SYN3: variants seen among roughly 807,000 people sequenced by gnomAD.
The protein encoded by SYN3 is synapsin III, also known as synapsin-3.
SYN3 carries 35 observed loss-of-function variants against 65.8 expected under a neutral mutation model. That is an observed-to-expected ratio of 0.53 (90% CI 0.41 to 0.70). The LOEUF is 0.70. Among genes scored for constraint, SYN3 ranks in the 30% least tolerant of loss-of-function variants. The probability of loss-of-function intolerance (pLI) is 0.00; values close to 1 mark genes in which losing one functional copy is unlikely to be tolerated. For synonymous variants in SYN3, 270 were observed against 292.9 expected (o/e 0.92, Z 0.80); for missense variants, 680 against 749.0 (o/e 0.91, Z 1.08).
intron 7 of SYN3, among the ~76,000 whole-genome samples, chr22:32,542,145 C>A (rs562992854): frequency 1.1e-4 from 16 of 152,226 alleles, no homozygotes; most frequent in African/African-American, 3.6e-4. Context: ...GATTTTTAGC[C>A]TGAATTTTCT....
chr22:33,019,067 C>CT (rs1208607321), intron 1 of SYN3, among the ~76,000 whole-genome samples: 1 of 152,172 alleles, frequency 6.6e-6, no homozygotes, highest in African/African-American at 2.4e-5. Context: ...ATTCAGTCAA[C>CT]TTTCCACAGA....
intron 3 of SYN3, among the ~76,000 whole-genome samples, chr22:32,961,964 G>A (rs746013954): frequency 6.6e-6 from 1 of 152,052 alleles, no homozygotes; most frequent in African/African-American, 2.4e-5. Flanking sequence ...GCAAAGCCAC[G>A]ATTCAAGCCC....
chr22:32,723,853 G>C (rs768169150), intron 6 of SYN3, among the ~76,000 whole-genome samples: 1 of 152,366 alleles, frequency 6.6e-6, no homozygotes, highest in Non-Finnish European at 1.5e-5. Context: ...AGGGATAGGG[G>C]AGCTGTAGGC....
chr22:32,900,178 T>C lies in SYN3; in HGVS notation c.462-31053A>G, dbSNP rs2049718572. ...CGTGACCTTCTAGTACTGTCTCCCATGGAACTGTCCTGGTGAAACCCAGAG... is the reference window on the plus strand; with the variant it reads ...CGTGACCTTCTAGTACTGTCTCCCACGGAACTGTCCTGGTGAAACCCAGAG... On this transcript the variant is annotated intron_variant, in intron 4 of 13. Transcript: ENST00000358763. 2.0e-5 allele frequency among the ~76,000 whole-genome samples: 3 copies of C among 152,300 alleles called. No individual in the cohort carries two copies. The South Asian group carries it at 6.2e-4, about 32-fold the overall frequency.
chr22:32,825,636 C>T (rs1489013216), intron 6 of SYN3, among the ~76,000 whole-genome samples: 5 of 114,050 alleles, frequency 4.4e-5, no homozygotes, highest in South Asian at 3.0e-4. Context: ...CCAGCCTGGG[C>T]GACAGAGCGA....
At chr22:32,982,262 G>T (rs1396304075) in intron 2 of SYN3, among the ~76,000 whole-genome samples, 1 of 151,978 alleles carries the variant, frequency 6.6e-6, no homozygotes, top group African/African-American at 2.4e-5. Flanking sequence ...GATCTATCCA[G>T]TCTCACCCAT....
At chr22:32,758,681 C>CATATATATATAT (rs71187211) in intron 6 of SYN3, among the ~76,000 whole-genome samples, 1,859 of 33,046 alleles carry the variant, frequency 0.056, 571 homozygotes, top group East Asian at 0.16. Context: ...TTACTAAACT[C>CATATATATATAT]ATATATATAT....
In SYN3 at chr22:32,891,128, C is replaced by A. The variant is rs1025211308; in HGVS notation, c.462-22003G>T. Among the ~76,000 whole-genome samples the A allele has an allele frequency of 2.6e-5, 4 of 152,098 alleles. No homozygotes were observed. In the South Asian group the frequency reaches 8.3e-4, roughly 32 times the overall value. On this transcript the variant is annotated intron_variant, in intron 4 of 13. Transcript: ENST00000358763. ...GGGCCCTGCTCCAGTTTCTTAGGTA[C>A]CAACGAGGAGCTGAGGTGGCAGCAG...
chr22:32,931,493 A>G lies in SYN3; in HGVS notation c.370-12T>C, dbSNP rs114108841. 4.4e-4 allele frequency: 701 copies of G among 1,598,630 alleles called. 3 individuals carry two copies. The African/African-American group carries it at 7.8e-3, about 18-fold the overall frequency. ...TCTGAGAATTCAGCCTGAAGAATAA[A>G]GCAAAGCAAAAAAGGATTCATCAAA... On this transcript the variant is annotated splice_polypyrimidine_tract_variant and intron_variant, in intron 3 of 13. Coordinates refer to ENST00000358763, the MANE Select transcript of SYN3 (RefSeq NM_003490.4).
At chr22:32,651,596 T>G (rs5754186) in intron 6 of SYN3, among the ~76,000 whole-genome samples, 26,815 of 151,934 alleles carry the variant, frequency 0.18, 3,408 homozygotes, top group East Asian at 0.69. Flanking sequence ...GAAAAGGCTT[T>G]AAACTGAGGA....
intron 2 of SYN3, among the ~76,000 whole-genome samples, chr22:32,989,955 C>T (rs540678567): frequency 6.6e-6 from 1 of 151,896 alleles, no homozygotes. Flanking sequence ...CTCTTCATAC[C>T]ACAGAAAGGG....
intron 6 of SYN3, among the ~76,000 whole-genome samples, chr22:32,832,368 A>AG (rs2047599230): frequency 3.3e-5 from 5 of 152,326 alleles, no homozygotes; most frequent in Middle Eastern, 6.8e-3. Context: ...ACACTAGAAT[A>AG]TGTCCAGTCC....
chr22:32,664,926 T>C (rs1237694219), intron 6 of SYN3, among the ~76,000 whole-genome samples: 1 of 151,456 alleles, frequency 6.6e-6, no homozygotes, highest in East Asian at 1.9e-4. Context: ...TTGTAGTCTT[T>C]TATCCCTCAA....
intron 6 of SYN3, among the ~76,000 whole-genome samples, chr22:32,648,159 C>T (rs1222072180): frequency 6.6e-6 from 1 of 152,132 alleles, no homozygotes; most frequent in African/African-American, 2.4e-5. Context: ...CTACACCTGG[C>T]TTAGCTTTTG....
intron 3 of SYN3, among the ~76,000 whole-genome samples, chr22:32,979,187 C>CAAAA (rs35720827): frequency 3.4e-5 from 3 of 88,744 alleles, no homozygotes; most frequent in Admixed American, 1.2e-4. Flanking sequence ...GACTCCATCT[C>CAAAA]AAAAAAAAAA....
At chr22:32,811,360 T>C (rs1419618025) in intron 6 of SYN3, among the ~76,000 whole-genome samples, 1 of 152,192 alleles carries the variant, frequency 6.6e-6, no homozygotes, top group Non-Finnish European at 1.5e-5. Context: ...AATAGCTCAA[T>C]AAGAATAAGC....
chr22:32,750,603 C>T (rs1355639247), intron 6 of SYN3, among the ~76,000 whole-genome samples: 1 of 151,866 alleles, frequency 6.6e-6, no homozygotes, highest in Admixed American at 6.6e-5. Flanking sequence ...AGAAGGGTGA[C>T]CTACACTTTG....
At chr22:32,598,828 T>C (rs1020134616) in intron 6 of SYN3, among the ~76,000 whole-genome samples, 45 of 152,046 alleles carry the variant, frequency 3.0e-4, no homozygotes, top group African/African-American at 1.0e-3. Flanking sequence ...AAATTTACCA[T>C]ACCCTGGTGT....
At position 32,864,917 on chromosome 22, in the gene SYN3, T is replaced by C. The variant is rs779026253; in HGVS notation, c.709A>G (p.Met237Val). Residue 237 changes from methionine (M) to valine (V), a missense_variant and splice_region_variant, in exon 6 of 14, where the codon ATG becomes GTG. Physicochemically the swap from Met to Val is conservative, Grantham distance 21. Coordinates refer to ENST00000358763, the MANE Select transcript of SYN3 (RefSeq NM_003490.4). Reference protein sequence around the residue: ...EQTFFPNHKPMVTAPHFPVVV... With the variant: ...EQTFFPNHKPVVTAPHFPVVV... ...ACAGAGTAAAAAAGGGCACTCACCA[T>C]TGGCTTATGGTTGGGGAAAAATGTT... 6 of 1,613,610 alleles carry C rather than the reference T, an allele frequency of 3.7e-6. No homozygotes were observed. The highest frequency in any genetic ancestry group is 5.1e-6 in the Non-Finnish European group (6 of 1,179,624).
Sources: allele counts gnomAD v4.1 joint callset (sites outside exome capture counted in the v4.1 genomes callset), GRCh38; gene constraint gnomAD v4.1.1; transcripts MANE v1.5; gene names NCBI Gene and HGNC (gene_info 2026-07-23, HGNC 2026-07-21).